MAP4K3: variants seen among roughly 807,000 people sequenced by gnomAD.
The protein encoded by MAP4K3 is mitogen-activated protein kinase kinase kinase kinase 3, also known as MAPK/ERK kinase kinase kinase 3.
Under a neutral mutation model 143.5 loss-of-function variants are expected in MAP4K3, and 94 were observed. That is an observed-to-expected ratio of 0.65 (90% CI 0.55 to 0.78). The LOEUF is 0.78. Among genes scored for constraint, MAP4K3 ranks in the 30% least tolerant of loss-of-function variants. MAP4K3 has a pLI of 0.00. For synonymous variants in MAP4K3, 416 were observed against 347.2 expected (o/e 1.20, Z -2.20); for missense variants, 1,077 against 1,068.1 (o/e 1.01, Z -0.12).
Position 39,288,204 on chromosome 2 carries a change from A to G in MAP4K3, c.1391T>C (p.Met464Thr), listed in dbSNP as rs1438521204. The G allele has an allele frequency of 2.5e-6, 4 of 1,613,992 alleles. No individual in the cohort carries two copies. Among genetic ancestry groups the G allele is most frequent in the Non-Finnish European group, 3.4e-6 (4 of 1,179,984 alleles). Residue 464 changes from methionine to threonine, a missense_variant, in exon 20 of 34, where the codon ATG (methionine) becomes ACG (threonine). By Grantham distance (81) the Met-to-Thr change is moderately conservative (BLOSUM62 -1). Coordinates refer to ENST00000263881, the MANE Select transcript of MAP4K3 (RefSeq NM_003618.4). Reference protein sequence around the residue: ...ENQGTIKRCPMSGSPAKPSQV... With the variant: ...ENQGTIKRCPTSGSPAKPSQV... ...GGATGGCTTTGCTGGGCTCCCTGACATGGGACATCTCTTGATTGTTCCTTG... is the reference window on the plus strand; with the variant it reads ...GGATGGCTTTGCTGGGCTCCCTGACGTGGGACATCTCTTGATTGTTCCTTG...
intron 1 of MAP4K3, 46 bp downstream of exon 1, chr2:39,436,846 G>A: frequency 6.5e-7 from 1 of 1,534,006 alleles, no homozygotes; most frequent in Non-Finnish European, 8.9e-7. Flanking sequence ...GCTTGGCTGC[G>A]GGTCGGGATC....
intron 2 of MAP4K3, among the ~76,000 whole-genome samples, chr2:39,360,513 C>A (rs1665737160): frequency 6.6e-6 from 1 of 152,136 alleles, no homozygotes; most frequent in Admixed American, 6.5e-5. Flanking sequence ...AAGTTGCTTC[C>A]AGATTTTCAG....
At chr2:39,303,354 T>C (rs1230943515) in intron 15 of MAP4K3, among the ~76,000 whole-genome samples, 1 of 152,190 alleles carries the variant, frequency 6.6e-6, no homozygotes, top group Non-Finnish European at 1.5e-5. Context: ...GAATATTAAC[T>C]GATCAAGTTA....
intron 24 of MAP4K3, among the ~76,000 whole-genome samples, chr2:39,275,095 CA>C (rs1558615439): frequency 6.6e-6 from 1 of 151,764 alleles, no homozygotes; most frequent in African/African-American, 2.4e-5. Flanking sequence ...GGCAATGTTT[CA>C]AAAAAAATTA....
At chr2:39,417,704 T>A (rs1280005736) in intron 1 of MAP4K3, among the ~76,000 whole-genome samples, 1 of 152,230 alleles carries the variant, frequency 6.6e-6, no homozygotes, top group Non-Finnish European at 1.5e-5. Flanking sequence ...TATACACGTA[T>A]TTCCTAGCTT....
chr2:39,391,705 T>C (rs1361462559), intron 1 of MAP4K3, among the ~76,000 whole-genome samples: 1 of 152,182 alleles, frequency 6.6e-6, no homozygotes, highest in African/African-American at 2.4e-5. Context: ...TGCTGGTAAA[T>C]GTTTAAAAAA....
At chr2:39,378,173 A>C in intron 1 of MAP4K3, 50 bp from the exon 2 acceptor site, 3 of 1,053,822 alleles carry the variant, frequency 2.8e-6, no homozygotes, top group Non-Finnish European at 4.2e-6. Context: ...TTTCATAAAA[A>C]GTGTATAAAA....
chr2:39,413,716 G>C (rs1182187899), intron 1 of MAP4K3, among the ~76,000 whole-genome samples: 1 of 139,996 alleles, frequency 7.1e-6, no homozygotes, highest in Non-Finnish European at 1.6e-5. Context: ...CCAGACAGGG[G>C]AGTCCGTTAA....
chr2:39,364,394 T>C (rs993737257), intron 2 of MAP4K3, among the ~76,000 whole-genome samples: 1 of 152,218 alleles, frequency 6.6e-6, no homozygotes, highest in African/African-American at 2.4e-5. Context: ...ATAGGTATCA[T>C]GTGACGTGTT....
At chr2:39,312,469 T>C (rs1040969947) in intron 13 of MAP4K3, among the ~76,000 whole-genome samples, 1 of 152,270 alleles carries the variant, frequency 6.6e-6, no homozygotes, top group Non-Finnish European at 1.5e-5. Flanking sequence ...ATCACTTTTC[T>C]AACGGTTTGA....
intron 2 of MAP4K3, 112 bp from the exon 3 acceptor site, chr2:39,356,451 G>C: frequency 1.6e-6 from 1 of 639,314 alleles, no homozygotes; most frequent in Non-Finnish European, 2.8e-6. Flanking sequence ...CATAATTAAT[G>C]AGTTATAAAT....
chr2:39,297,320 G>A (rs1682323079), intron 16 of MAP4K3, among the ~76,000 whole-genome samples: 1 of 152,116 alleles, frequency 6.6e-6, no homozygotes, highest in South Asian at 2.1e-4. Context: ...GTTTCACCAT[G>A]TTGGCCAGGC....
At chr2:39,367,089 T>A (rs1484917596) in intron 2 of MAP4K3, among the ~76,000 whole-genome samples, 1 of 152,196 alleles carries the variant, frequency 6.6e-6, no homozygotes, top group Non-Finnish European at 1.5e-5. Context: ...CTGATAAAAA[T>A]AACTTAGAGT....
At chr2:39,287,659 T>G (rs1681856042) in intron 20 of MAP4K3, among the ~76,000 whole-genome samples, 1 of 152,174 alleles carries the variant, frequency 6.6e-6, no homozygotes, top group African/African-American at 2.4e-5. Context: ...GTCTTTACAG[T>G]GTTAAAATAG....
At chr2:39,351,108 T>C (rs950854937) in intron 3 of MAP4K3, among the ~76,000 whole-genome samples, 5 of 152,220 alleles carry the variant, frequency 3.3e-5, no homozygotes, top group African/African-American at 1.2e-4. Context: ...TATAAGGGAC[T>C]TGAGCATTCA....
At chr2:39,373,777 T>A (rs959846934) in intron 2 of MAP4K3, among the ~76,000 whole-genome samples, 1 of 152,190 alleles carries the variant, frequency 6.6e-6, no homozygotes, top group South Asian at 2.1e-4. Context: ...GAAGCATGGT[T>A]ACCATAGGCT....
At position 39,286,891 on chromosome 2, in the gene MAP4K3, T is replaced by C; in HGVS notation, c.1548A>G (p.Arg516=). The part of the protein sequence containing the change: ...GSLCQQQNEH[R]GTNLSRKEKK... ...TTTCTTTTCTTGAAAGGTTTGTGCCTCTATGTTCATTCTGTTGTTGACATA... is the reference window on the plus strand; with the variant it reads ...TTTCTTTTCTTGAAAGGTTTGTGCCCCTATGTTCATTCTGTTGTTGACATA... Residue 516 remains arginine, a synonymous_variant, in exon 21 of 34, where the codon AGA becomes AGG. Coordinates refer to ENST00000263881, the MANE Select transcript of MAP4K3 (RefSeq NM_003618.4). 1 of 1,610,508 alleles carries C rather than the reference T, an allele frequency of 6.2e-7. No homozygotes were observed. Among genetic ancestry groups the C allele is most frequent in the Non-Finnish European group, 8.5e-7 (1 of 1,179,192 alleles).
At chr2:39,387,246 C>T (rs1187947265) in intron 1 of MAP4K3, among the ~76,000 whole-genome samples, 1 of 151,720 alleles carries the variant, frequency 6.6e-6, no homozygotes, top group Non-Finnish European at 1.5e-5. Flanking sequence ...TTTGAGCCAG[C>T]TTGTCTGTTT....
At chr2:39,390,562 T>C (rs1389047161) in intron 1 of MAP4K3, among the ~76,000 whole-genome samples, 1 of 152,116 alleles carries the variant, frequency 6.6e-6, no homozygotes, top group Non-Finnish European at 1.5e-5. Flanking sequence ...GGCAGATGAA[T>C]GGGGTTTAAG....
Sources: gnomAD v4.1 joint callset for allele counts (sites outside exome capture counted in the v4.1 genomes callset) on GRCh38, gnomAD v4.1.1 for gene constraint, MANE v1.5 for transcripts, NCBI Gene and HGNC (gene_info 2026-07-23, HGNC 2026-07-21) for gene names.